The following DPYSL5 variants were observed in gnomAD, a reference collection of about 807,000 sequenced individuals.
DPYSL5 encodes dihydropyrimidinase like 5.
Under a neutral mutation model 58.4 loss-of-function variants are expected in DPYSL5, and 9 were observed. That is an observed-to-expected ratio of 0.15 (90% CI 0.09 to 0.27). The LOEUF is 0.27. Ranked by LOEUF, DPYSL5 falls within the 10% of genes least tolerant of loss-of-function variation. DPYSL5 has a pLI of 1.00. For synonymous variants in DPYSL5, 293 were observed against 301.9 expected (o/e 0.97, Z 0.31); for missense variants, 499 against 770.6 (o/e 0.65, Z 4.17).
chr2:26,924,808 A>G lies in DPYSL5; in HGVS notation c.262-79A>G. ...GGCAGGGCCTGTCTTTGAATGGACC[A>G]TGAGGACCATGTCTCACCACATCAT... On this transcript the variant is annotated intron_variant, in intron 2 of 12. Transcript: ENST00000288699. This position sits in a 1 kb window ranked among gnomAD's most constrained non-coding sequence, Gnocchi z 4.7. 1.3e-6 allele frequency: 2 copies of G among 1,529,778 alleles called. No homozygotes were observed. Among genetic ancestry groups the G allele is most frequent in the African/African-American group, 2.7e-5 (2 of 73,254 alleles). 94.8% of individuals were successfully genotyped at this position (1,529,778 alleles called of 1,614,324 possible).
intron 2 of DPYSL5, among the ~76,000 whole-genome samples, chr2:26,904,448 C>T (rs1040784378): frequency 3.3e-5 from 5 of 152,206 alleles, no homozygotes; most frequent in African/African-American, 1.2e-4. Flanking sequence ...CGTCTTTAAG[C>T]TCTGCAATGA....
chr2:26,881,317 A>T (rs1336329013), intron 1 of DPYSL5, among the ~76,000 whole-genome samples: 1 of 151,586 alleles, frequency 6.6e-6, no homozygotes, highest in African/African-American at 2.4e-5. Context: ...GGTCATTTTC[A>T]CCCCCAGACG....
At chr2:26,896,099 TCAA>T (rs1303433181) in intron 1 of DPYSL5, among the ~76,000 whole-genome samples, 1 of 152,120 alleles carries the variant, frequency 6.6e-6, no homozygotes, top group Non-Finnish European at 1.5e-5. Context: ...TTTCTATGGA[TCAA>T]CTTTTTTAGG....
At chr2:26,940,747 C>A (rs1572721357) in intron 9 of DPYSL5, among the ~76,000 whole-genome samples, 1 of 151,598 alleles carries the variant, frequency 6.6e-6, no homozygotes, top group Non-Finnish European at 1.5e-5. Context: ...AGTAAAAATT[C>A]TTTAAAAACA....
chr2:26,855,824 A>C (rs1415618985), intron 1 of DPYSL5, among the ~76,000 whole-genome samples: 1 of 152,204 alleles, frequency 6.6e-6, no homozygotes, highest in African/African-American at 2.4e-5. Context: ...CTATTGATAC[A>C]GAAGCCGCCT....
Position 26,941,930 on chromosome 2 carries a change from C to T in DPYSL5, c.1090-20C>T. The T allele has an allele frequency of 6.2e-7, 1 of 1,613,886 alleles. No individual in the cohort carries two copies. The highest frequency in any genetic ancestry group is 8.5e-7 in the Non-Finnish European group (1 of 1,180,004). The stretch of plus-strand genomic sequence containing the variant: ...CACCCCCAGAGCCTGGTTGACTTGA[C>T]ACTTTCTGCAACATTTCAGGTTGGA... On this transcript the variant is annotated intron_variant, in intron 9 of 12. Transcript: ENST00000288699.
Position 26,849,413 on chromosome 2 carries a change from C to G in DPYSL5, c.-5+1159C>G, listed in dbSNP as rs55918144. ...ATCCTCAGCTCCAGGCGCGGGGCCC[C>G]GCGGCCCAGGTGGCCGGCTGGGCGT... On this transcript the variant is annotated intron_variant, in intron 1 of 12. Coordinates refer to ENST00000288699, the MANE Select transcript of DPYSL5 (RefSeq NM_020134.4). This position sits in a 1 kb window ranked among gnomAD's most constrained non-coding sequence, Gnocchi z 6.2. 4.6e-5 allele frequency among the ~76,000 whole-genome samples: 7 copies of G among 151,958 alleles called. No individual in the cohort carries two copies. Among genetic ancestry groups the G allele is most frequent in the South Asian group, 2.1e-4 (1 of 4,822 alleles).
In DPYSL5 at chr2:26,925,816, T is replaced by A. The variant is rs1218453105; in HGVS notation, c.420+771T>A. 6.6e-6 allele frequency among the ~76,000 whole-genome samples: 1 copy of A among 152,240 alleles called. No homozygotes were observed. Among genetic ancestry groups the A allele is most frequent in the East Asian group, 1.9e-4 (1 of 5,198 alleles). On this transcript the variant is annotated intron_variant, in intron 3 of 12. Transcript: ENST00000288699. The surrounding 1 kb of genome is among the most constrained non-coding windows in gnomAD (Gnocchi z 4.5). ...TTGCCCAGGGTAGCAGTCTGGATAT[T>A]CATTCTTTCATCAATTATTTATTAA... is the stretch of plus-strand genomic sequence containing the variant.
At chr2:26,913,013 G>A (rs1664479993) in intron 2 of DPYSL5, among the ~76,000 whole-genome samples, 1 of 152,174 alleles carries the variant, frequency 6.6e-6, no homozygotes, top group Non-Finnish European at 1.5e-5. Context: ...TCAGGCCCCA[G>A]TTTTCTTATC....
rs75419533 is a variant in DPYSL5 at position 26,860,387 on chromosome 2, C to T, written c.-5+12133C>T. On this transcript the variant is annotated intron_variant, in intron 1 of 12. Transcript: ENST00000288699. ...AGATGCAGACTGGATGCTGTCCTGACTGCTTTGATGTCCTGTGACAGACAC... is the reference window on the plus strand; with the variant it reads ...AGATGCAGACTGGATGCTGTCCTGATTGCTTTGATGTCCTGTGACAGACAC... Among the ~76,000 whole-genome samples the T allele has an allele frequency of 1.1e-3, 172 of 152,318 alleles. 3 individuals carry two copies. In the East Asian group the frequency reaches 0.032, roughly 28 times the overall value.
intron 1 of DPYSL5, among the ~76,000 whole-genome samples, chr2:26,885,392 A>G (rs1010805921): frequency 6.6e-6 from 1 of 151,918 alleles, no homozygotes. Flanking sequence ...TTCCGATTCT[A>G]CCTTCTCTCC....
rs1558351662 is a variant in DPYSL5, at chr2:26,932,201, A to AAGAAAGAAAGAC, written c.714+526_714+527insGACAGAAAGAAA. Among the ~76,000 whole-genome samples the AAGAAAGAAAGAC allele has an allele frequency of 1.1e-3, 65 of 58,890 alleles. 1 individual carries two copies. The highest frequency in any genetic ancestry group is 2.2e-3 in the Non-Finnish European group (55 of 24,974). 38.6% of individuals were successfully genotyped at this position (58,890 alleles called of 152,430 possible). ...AAAGAAAGAAAGAAAGAAAGAAAGA[A>AAGAAAGAAAGAC]AGAAAGAAAAGAAAGAAAGAAAGAA... is the stretch of plus-strand genomic sequence containing the variant. On this transcript the variant is annotated intron_variant, in intron 6 of 12. Coordinates refer to ENST00000288699, the MANE Select transcript of DPYSL5 (RefSeq NM_020134.4).
chr2:26,907,548 C>A (rs1397063208), intron 2 of DPYSL5, among the ~76,000 whole-genome samples: 1 of 152,146 alleles, frequency 6.6e-6, no homozygotes, highest in African/African-American at 2.4e-5. Flanking sequence ...GATCTTCCCC[C>A]TGGGCAACCC....
At chr2:26,865,459 T>C (rs1416899631) in intron 1 of DPYSL5, among the ~76,000 whole-genome samples, 1 of 152,066 alleles carries the variant, frequency 6.6e-6, no homozygotes, top group Non-Finnish European at 1.5e-5. Context: ...TAGCTGGGAT[T>C]ACAGGCATGC....
intron 5 of DPYSL5, among the ~76,000 whole-genome samples, chr2:26,931,195 G>GTATATATATATATATA (rs1664972548): frequency 1.9e-5 from 1 of 53,964 alleles, no homozygotes; most frequent in Non-Finnish European, 4.2e-5. Flanking sequence ...GTGTGTGTGT[G>GTATATATATATATATA]TGTGTGTGTA....
In DPYSL5 at chr2:26,942,046, C is replaced by T; in HGVS notation, c.1186C>T (p.Pro396Ser). 2.5e-6 allele frequency: 4 copies of T among 1,614,190 alleles called. No homozygotes were observed. The highest frequency in any genetic ancestry group is 2.5e-6 in the Non-Finnish European group (3 of 1,180,042). Residue 396 changes from proline (P) to serine (S), a missense_variant, in exon 10 of 13, where the codon CCC (proline) becomes TCC (serine). Transcript: ENST00000288699. The surrounding 1 kb of genome is among the most constrained non-coding windows in gnomAD (Gnocchi z 5.9). ...GTATCCCCGCAAGGGCCGCATTATT[C>T]CCGGAGCCGATGCTGATGTGGTGGT... ...NLYPRKGRIIPGADADVVVWD... is the reference protein window; with the variant it reads ...NLYPRKGRIISGADADVVVWD...
At chr2:26,885,541 G>A (rs947645015) in intron 1 of DPYSL5, among the ~76,000 whole-genome samples, 5 of 152,064 alleles carry the variant, frequency 3.3e-5, no homozygotes, top group Admixed American at 1.3e-4. Context: ...ATCCTGCCCC[G>A]CCCCTGGGTT....
chr2:26,874,556 A>G (rs1346116955), intron 1 of DPYSL5, among the ~76,000 whole-genome samples: 1 of 152,230 alleles, frequency 6.6e-6, no homozygotes, highest in Non-Finnish European at 1.5e-5. Context: ...TAGAATCTCT[A>G]TTCTGTATCA....
chr2:26,943,957 G>A (rs1377852009), intron 11 of DPYSL5, among the ~76,000 whole-genome samples: 2 of 152,190 alleles, frequency 1.3e-5, no homozygotes, highest in African/African-American at 2.4e-5. Flanking sequence ...GGGAGCCTAA[G>A]GTGGGGAATA....
Sources: allele counts gnomAD v4.1 joint callset (sites outside exome capture counted in the v4.1 genomes callset), GRCh38; gene constraint gnomAD v4.1.1; non-coding constraint Gnocchi (gnomAD v3.1); transcripts MANE v1.5; gene names NCBI Gene and HGNC (gene_info 2026-07-23, HGNC 2026-07-21).